Variants in TMC1 observed in about 807,000 individuals in gnomAD.
The protein encoded by TMC1 is transmembrane channel like 1.
Under a neutral mutation model 105.8 loss-of-function variants are expected in TMC1, and 84 were observed. That is an observed-to-expected ratio of 0.79 (90% CI 0.67 to 0.95). The LOEUF (loss-of-function observed/expected upper bound fraction) is 0.95, where lower values mean the gene tolerates loss of function less well. Among genes scored for constraint, TMC1 ranks in the 40% least tolerant of loss-of-function variants. The probability of loss-of-function intolerance (pLI) is 0.00; values close to 1 mark genes in which losing one functional copy is unlikely to be tolerated. For synonymous variants in TMC1, 315 were observed against 311.5 expected (o/e 1.01, Z -0.12); for missense variants, 817 against 914.1 (o/e 0.89, Z 1.37).
chr9:72,809,265 T>C (rs1828651673), intron 18 of TMC1, among the ~76,000 whole-genome samples: 1 of 152,294 alleles, frequency 6.6e-6, no homozygotes, highest in South Asian at 2.1e-4. Flanking sequence ...AAAGCTGTAA[T>C]TAAATGACTG....
At chr9:72,711,506 C>T (rs1232951617) in intron 8 of TMC1, among the ~76,000 whole-genome samples, 2 of 152,222 alleles carry the variant, frequency 1.3e-5, no homozygotes, top group African/African-American at 2.4e-5. Flanking sequence ...ATTTGCATTT[C>T]TCTAATAACC....
chr9:72,748,315 T>C (rs1281942976), intron 10 of TMC1, among the ~76,000 whole-genome samples: 2 of 152,172 alleles, frequency 1.3e-5, no homozygotes, highest in African/African-American at 2.4e-5. Context: ...TTAATACATA[T>C]AGATCAAATT....
At chr9:72,525,099 T>G (rs1430141805) in intron 1 of TMC1, among the ~76,000 whole-genome samples, 1 of 152,218 alleles carries the variant, frequency 6.6e-6, no homozygotes, top group Non-Finnish European at 1.5e-5. Flanking sequence ...GTATGCCTAT[T>G]CTTTTAAACC....
intron 10 of TMC1, among the ~76,000 whole-genome samples, chr9:72,749,605 T>G (rs556416972): frequency 3.3e-5 from 5 of 152,132 alleles, no homozygotes; most frequent in African/African-American, 1.2e-4. Context: ...TGGGGTTGTG[T>G]ATCAAAACCA....
chr9:72,618,020 A>C (rs1825167208), intron 3 of TMC1, among the ~76,000 whole-genome samples: 1 of 114,688 alleles, frequency 8.7e-6, no homozygotes, highest in Admixed American at 9.6e-5. Context: ...CTCTGGGTAC[A>C]TCTTTTTTTT....
intron 4 of TMC1, among the ~76,000 whole-genome samples, chr9:72,634,938 G>A (rs772173978): frequency 3.3e-5 from 5 of 152,192 alleles, no homozygotes; most frequent in Non-Finnish European, 7.3e-5. Context: ...ACCTCCATGT[G>A]TTCAGCAACC....
At chr9:72,619,305 C>G (rs568990261) in intron 3 of TMC1, among the ~76,000 whole-genome samples, 147 of 152,256 alleles carry the variant, frequency 9.7e-4, no homozygotes, top group South Asian at 6.4e-3. Flanking sequence ...TTAGACACAA[C>G]TTAAATATTC....
chr9:72,780,684 A>G (rs1265933288), intron 13 of TMC1, among the ~76,000 whole-genome samples: 1 of 152,216 alleles, frequency 6.6e-6, no homozygotes, highest in Non-Finnish European at 1.5e-5. Flanking sequence ...TTTTAAACCA[A>G]ACAGACTTTA....
chr9:72,523,346 C>G (rs145361481), intron 1 of TMC1, among the ~76,000 whole-genome samples: 8 of 152,036 alleles, frequency 5.3e-5, no homozygotes, highest in African/African-American at 1.9e-4. Flanking sequence ...CCGACCCTTG[C>G]GTAGTCAAAA....
At chr9:72,768,998 T>G (rs143175201) in intron 12 of TMC1, among the ~76,000 whole-genome samples, 1 of 152,298 alleles carries the variant, frequency 6.6e-6, no homozygotes, top group Non-Finnish European at 1.5e-5. Context: ...TAGAGTTTCT[T>G]GTTTCTTTCC....
At chr9:72,703,912 A>T (rs1826686989) in intron 8 of TMC1, among the ~76,000 whole-genome samples, 1 of 152,202 alleles carries the variant, frequency 6.6e-6, no homozygotes, top group South Asian at 2.1e-4. Flanking sequence ...AGTCTCCGTG[A>T]TGAAGTTGTT....
chr9:72,742,625 T>C, intron 10 of TMC1, 100 bp downstream of exon 10: 1 of 955,550 alleles, frequency 1.0e-6, no homozygotes, highest in Non-Finnish European at 1.6e-6. Context: ...TTGGGAAGAC[T>C]AGAAACAAAC....
intron 21 of TMC1, among the ~76,000 whole-genome samples, chr9:72,829,061 T>C (rs1336273375): frequency 2.0e-5 from 3 of 152,228 alleles, no homozygotes; most frequent in Non-Finnish European, 4.4e-5. Context: ...AAATGTCAAA[T>C]AGATGTACTG....
chr9:72,617,364 A>C (rs1261392490), intron 3 of TMC1, among the ~76,000 whole-genome samples: 1 of 151,956 alleles, frequency 6.6e-6, no homozygotes, highest in Non-Finnish European at 1.5e-5. Context: ...GGGTTTCACC[A>C]TGTTGGCCAG....
At chr9:72,830,995 C>G (rs1829034316) in intron 23 of TMC1, among the ~76,000 whole-genome samples, 1 of 152,132 alleles carries the variant, frequency 6.6e-6, no homozygotes, top group Non-Finnish European at 1.5e-5. Context: ...CGTCTACAAA[C>G]AGCAGATACA....
intron 4 of TMC1, among the ~76,000 whole-genome samples, chr9:72,643,353 G>A (rs1030903169): frequency 6.6e-6 from 1 of 151,970 alleles, no homozygotes; most frequent in Non-Finnish European, 1.5e-5. Flanking sequence ...GAAAGAAATT[G>A]ATATGCAGTA....
At chr9:72,764,271 C>G (rs971145073) in intron 12 of TMC1, among the ~76,000 whole-genome samples, 1 of 152,152 alleles carries the variant, frequency 6.6e-6, no homozygotes, top group Non-Finnish European at 1.5e-5. Flanking sequence ...CAGATGACCA[C>G]ACACGTCTCG....
intron 3 of TMC1, among the ~76,000 whole-genome samples, chr9:72,617,299 T>A (rs374347956): frequency 6.6e-6 from 1 of 152,060 alleles, no homozygotes. Context: ...GTAGCTTGGA[T>A]TACAGGTGCC....
At chr9:72,603,079 G>A (rs2132113589) in intron 2 of TMC1, among the ~76,000 whole-genome samples, 1 of 152,178 alleles carries the variant, frequency 6.6e-6, no homozygotes, top group Non-Finnish European at 1.5e-5. Flanking sequence ...AGTACAGATG[G>A]CTCTGATAAA....
Sources: gnomAD v4.1 joint callset for allele counts (sites outside exome capture counted in the v4.1 genomes callset) on GRCh38, gnomAD v4.1.1 for gene constraint, MANE v1.5 for transcripts, NCBI Gene and HGNC (gene_info 2026-07-23, HGNC 2026-07-21) for gene names.